Variants in KLRF1 observed in about 807,000 individuals in gnomAD.
The protein encoded by KLRF1 is killer cell lectin like receptor F1.
KLRF1 carries 27 observed loss-of-function variants against 30.7 expected under a neutral mutation model. The observed-to-expected ratio is 0.88, with a 90% CI of 0.65 to 1.21. KLRF1 has a LOEUF of 1.21. Among genes scored for constraint, KLRF1 ranks in the 50% most tolerant of loss-of-function variants. The probability of loss-of-function intolerance (pLI) is 0.00; values close to 1 mark genes in which losing one functional copy is unlikely to be tolerated. For missense variants in KLRF1, 246 were observed against 259.3 expected, an observed-to-expected ratio of 0.95 and a Z score of 0.35; for synonymous variants, 92 against 89.3, an observed-to-expected ratio of 1.03 and a Z score of -0.17.
the KLRF1 span, among the ~76,000 whole-genome samples, chr12:9,815,338 A>G: frequency 6.6e-6 from 1 of 152,326 alleles, no homozygotes; most frequent in South Asian, 2.1e-4. Context: ...AAATGTCTCA[A>G]CATGCTATGG....
At chr12:9,801,616 T>G in the KLRF1 span, among the ~76,000 whole-genome samples, 1 of 152,204 alleles carries the variant, frequency 6.6e-6, no homozygotes, top group African/African-American at 2.4e-5. Flanking sequence ...GAGCTTTTTT[T>G]CATATGTTTG....
chr12:9,812,220 C>G, the KLRF1 span, among the ~76,000 whole-genome samples: 68 of 152,118 alleles, frequency 4.5e-4, 1 homozygote, highest in African/African-American at 1.6e-3. Flanking sequence ...ATAAAATTAG[C>G]CAGACGTGGT....
chr12:9,814,827 A>G, the KLRF1 span, among the ~76,000 whole-genome samples: 261 of 148,562 alleles, frequency 1.8e-3, 2 homozygotes, highest in African/African-American at 5.3e-3. Flanking sequence ...GTAGAATGAT[A>G]GTTACTAGCA....
At chr12:9,815,332 G>A in the KLRF1 span, among the ~76,000 whole-genome samples, 1 of 152,320 alleles carries the variant, frequency 6.6e-6, no homozygotes, top group African/African-American at 2.4e-5. Flanking sequence ...TAACAGAAAT[G>A]TCTCAACATG....
intron 3 of KLRF1, among the ~76,000 whole-genome samples, chr12:9,837,162 G>A (rs112455016): frequency 1.1e-4 from 17 of 151,658 alleles, no homozygotes; most frequent in African/African-American, 3.9e-4. Context: ...ATCTTCTTTC[G>A]GTCTATATGG....
At chr12:9,836,253 A>G (rs779836995) in intron 3 of KLRF1, among the ~76,000 whole-genome samples, 1 of 152,156 alleles carries the variant, frequency 6.6e-6, no homozygotes, top group East Asian at 1.9e-4. Context: ...AGTTACCCCC[A>G]CTACTTGGAC....
At chr12:9,818,069 C>A in the KLRF1 span, 1 of 208,252 alleles carries the variant, frequency 4.8e-6, no homozygotes. Context: ...TGGTGGGCTG[C>A]ACATAACAAC....
At chr12:9,841,292 C>T (rs1213269863) in intron 3 of KLRF1, among the ~76,000 whole-genome samples, 1 of 151,668 alleles carries the variant, frequency 6.6e-6, no homozygotes, top group African/African-American at 2.4e-5. Flanking sequence ...AGGGAAAAAA[C>T]ACACACTGGG....
the KLRF1 span, among the ~76,000 whole-genome samples, chr12:9,813,433 T>C: frequency 6.6e-6 from 1 of 152,084 alleles, no homozygotes; most frequent in Non-Finnish European, 1.5e-5. Context: ...GCCTCCCCAG[T>C]AGCTGGGAGT....
At chr12:9,800,067 G>C in the KLRF1 span, among the ~76,000 whole-genome samples, 2 of 152,034 alleles carry the variant, frequency 1.3e-5, no homozygotes, top group Non-Finnish European at 2.9e-5. Context: ...GCAGGCTTTT[G>C]TGTGGACATA....
intron 1 of KLRF1, among the ~76,000 whole-genome samples, chr12:9,830,790 A>T (rs866161852): frequency 1.3e-5 from 2 of 152,024 alleles, no homozygotes; most frequent in Non-Finnish European, 2.9e-5. Context: ...ACAGACATTC[A>T]TAAGACTGAT....
chr12:9,801,146 C>T, the KLRF1 span, among the ~76,000 whole-genome samples: 1 of 151,964 alleles, frequency 6.6e-6, no homozygotes, highest in African/African-American at 2.4e-5. Flanking sequence ...TGGCTTCCAG[C>T]TTCATTCATG....
rs114671901 is a variant in KLRF1 at position 9,832,483 on chromosome 12, A to G, written c.184+69A>G. The G allele has an allele frequency of 1.9e-3, 1,736 of 891,718 alleles. 24 individuals are homozygous for G. The African/African-American group carries it at 0.026, about 14-fold the overall frequency. 55.2% of individuals were successfully genotyped at this position (891,718 alleles called of 1,614,324 possible). On this transcript the variant is annotated intron_variant, in intron 2 of 5. Transcript: ENST00000617889. ...TTACTTGTCTCTTATAAATCTTTTT[A>G]TAATTATTCATTCATTCTTCACTAC...
intron 3 of KLRF1, among the ~76,000 whole-genome samples, chr12:9,839,945 C>T (rs945925539): frequency 6.6e-6 from 1 of 152,052 alleles, no homozygotes; most frequent in African/African-American, 2.4e-5. Flanking sequence ...GGAAGCAGCT[C>T]AGATGTCCAT....
At chr12:9,812,882 T>G in the KLRF1 span, among the ~76,000 whole-genome samples, 1 of 152,368 alleles carries the variant, frequency 6.6e-6, no homozygotes, top group South Asian at 2.1e-4. Flanking sequence ...TTTGACCGTA[T>G]TTGTCAAATC....
the KLRF1 span, among the ~76,000 whole-genome samples, chr12:9,809,415 G>C: frequency 6.6e-6 from 1 of 152,030 alleles, no homozygotes; most frequent in Non-Finnish European, 1.5e-5. Context: ...ATGCACATAT[G>C]TAAATGCCTA....
chr12:9,808,527 A>G, the KLRF1 span, among the ~76,000 whole-genome samples: 1 of 152,138 alleles, frequency 6.6e-6, no homozygotes, highest in East Asian at 1.9e-4. Flanking sequence ...TTAAAGATCA[A>G]TGACAGGATG....
chr12:9,805,704 T>C, the KLRF1 span, among the ~76,000 whole-genome samples: 2 of 152,128 alleles, frequency 1.3e-5, no homozygotes, highest in Non-Finnish European at 2.9e-5. Context: ...TTTACTTTTA[T>C]ATTTCTATGT....
At chr12:9,832,705 G>C (rs1397982404) in intron 2 of KLRF1, among the ~76,000 whole-genome samples, 2 of 150,814 alleles carry the variant, frequency 1.3e-5, no homozygotes, top group African/African-American at 4.9e-5. Flanking sequence ...GTGTATGTGT[G>C]GTATTTGAAA....
Sources: gnomAD v4.1 joint callset for allele counts (sites outside exome capture counted in the v4.1 genomes callset) on GRCh38, gnomAD v4.1.1 for gene constraint, MANE v1.5 for transcripts, NCBI Gene and HGNC (gene_info 2026-07-23, HGNC 2026-07-21) for gene names.